Variants in SLC44A1 observed in about 807,000 individuals in gnomAD.
The protein encoded by SLC44A1 is solute carrier family 44 member 1, also known as choline transporter-like protein 1.
A neutral mutation model predicts 79.3 loss-of-function variants in SLC44A1; 26 were observed. The observed-to-expected ratio is 0.33, with a 90% CI of 0.24 to 0.46. The LOEUF (loss-of-function observed/expected upper bound fraction) is 0.46. Ranked by LOEUF, SLC44A1 falls within the 20% of genes least tolerant of loss-of-function variation. SLC44A1 has a pLI of 1.00. For synonymous variants in SLC44A1, 263 were observed against 286.2 expected (o/e 0.92, Z 0.82); for missense variants, 688 against 798.1 (o/e 0.86, Z 1.66).
At chr9:105,266,557 T>G (rs904825481) in intron 1 of SLC44A1, among the ~76,000 whole-genome samples, 1 of 152,240 alleles carries the variant, frequency 6.6e-6, no homozygotes, top group Non-Finnish European at 1.5e-5. Context: ...TGCAATTTAT[T>G]GACAAAGACT....
chr9:105,374,002 A>T (rs1206304678), intron 12 of SLC44A1, among the ~76,000 whole-genome samples: 3 of 152,316 alleles, frequency 2.0e-5, no homozygotes, highest in South Asian at 4.1e-4. Flanking sequence ...TCTCACTGGG[A>T]TTGAGACAGG....
intron 2 of SLC44A1, chr9:105,299,952 C>T (rs186281881): frequency 1.1e-5 from 11 of 985,028 alleles, no homozygotes; most frequent in Non-Finnish European, 1.3e-5. Flanking sequence ...TAAGGATGTG[C>T]ACATTCAATT....
At position 105,309,791 on chromosome 9, in the gene SLC44A1, A is replaced by G; in HGVS notation, c.194A>G (p.Tyr65Cys). The change falls in exon 3 of 16, where the codon TAT becomes TGT. Residue 65 changes from tyrosine (Y) to cysteine (C), a missense_variant. Transcript: ENST00000374720. ...AGACTAGTGTCAGGATACGACAGCT[A>G]TGGAAATATCTGTGGGCAGAAAAAT... is the stretch of plus-strand genomic sequence containing the variant. The part of the protein sequence containing the change: ...AARLVSGYDS[Y>C]GNICGQKNTK... 2 of 1,613,998 alleles carry G rather than the reference A, an allele frequency of 1.2e-6. No homozygotes were observed. The highest frequency in any genetic ancestry group is 1.7e-5 in the Admixed American group (1 of 60,012).
At chr9:105,424,284 G>T (rs1458116536) in intron 15 of SLC44A1, among the ~76,000 whole-genome samples, 3 of 152,148 alleles carry the variant, frequency 2.0e-5, no homozygotes, top group African/African-American at 4.8e-5. Flanking sequence ...TCCCTCCCAA[G>T]ACAAGGCCTG....
intron 15 of SLC44A1, among the ~76,000 whole-genome samples, chr9:105,414,834 A>C (rs1163828794): frequency 6.6e-6 from 1 of 152,196 alleles, no homozygotes; most frequent in African/African-American, 2.4e-5. Flanking sequence ...AAACCATAGG[A>C]ATAAGATGCA....
chr9:105,273,394 C>T (rs777861626), intron 1 of SLC44A1, among the ~76,000 whole-genome samples: 3 of 152,136 alleles, frequency 2.0e-5, no homozygotes, highest in Non-Finnish European at 4.4e-5. Context: ...GATGTTATTC[C>T]TTATTGTCAA....
In SLC44A1 at chr9:105,359,144, T is replaced by G. The variant is rs1827707914; in HGVS notation, c.760+711T>G. Among the ~76,000 whole-genome samples the G allele has an allele frequency of 3.3e-5, 5 of 152,320 alleles. No homozygotes were observed. The South Asian group carries it at 8.3e-4, about 25-fold the overall frequency. ...TCTTGTTTATCTTTGCCTTAAAAACTTTTATAATTATATTTACATTTACGT... is the reference window on the plus strand; with the variant it reads ...TCTTGTTTATCTTTGCCTTAAAAACGTTTATAATTATATTTACATTTACGT... On this transcript the variant is annotated intron_variant, in intron 7 of 15. Coordinates refer to ENST00000374720, the MANE Select transcript of SLC44A1 (RefSeq NM_080546.5).
Position 105,395,619 on chromosome 9 carries a change from T to G in SLC44A1, c.*6563T>G. The G allele has an allele frequency of 1.0e-6, 1 of 985,298 alleles. No homozygotes were observed. Among genetic ancestry groups the G allele is most frequent in the Non-Finnish European group, 1.2e-6 (1 of 829,810 alleles). The allele number at this position is 985,298 out of a possible 1,614,324, so 61.0% of individuals were successfully genotyped here. On this transcript the variant is annotated 3_prime_UTR_variant, in exon 16 of 16. Transcript: ENST00000374720. ...AGGGCGTAAGTCCAGTCTAAGTATC[T>G]AAATGTGATATGCCCTTTTGTCACA...
At chr9:105,310,135 G>A (rs368190858) in intron 3 of SLC44A1, among the ~76,000 whole-genome samples, 2 of 151,420 alleles carry the variant, frequency 1.3e-5, no homozygotes, top group Middle Eastern at 3.5e-3. Context: ...ATTTGAAAAG[G>A]TTATTCTTTT....
intron 1 of SLC44A1, among the ~76,000 whole-genome samples, chr9:105,249,579 T>C (rs2131191791): frequency 6.6e-6 from 1 of 151,600 alleles, no homozygotes; most frequent in Non-Finnish European, 1.5e-5. Flanking sequence ...GGCTGGAGTG[T>C]GGTGGCATAA....
At chr9:105,297,078 T>C (rs1343735237) in intron 1 of SLC44A1, among the ~76,000 whole-genome samples, 1 of 152,248 alleles carries the variant, frequency 6.6e-6, no homozygotes, top group Non-Finnish European at 1.5e-5. Context: ...TGGTTTTTAA[T>C]GCTAGTTAGA....
chr9:105,347,088 C>T (rs1455470004), intron 4 of SLC44A1, among the ~76,000 whole-genome samples: 1 of 151,954 alleles, frequency 6.6e-6, no homozygotes, highest in Non-Finnish European at 1.5e-5. Flanking sequence ...TAAATTTGCT[C>T]CCAATTTTGT....
intron 3 of SLC44A1, among the ~76,000 whole-genome samples, chr9:105,321,910 A>G (rs1466906206): frequency 6.6e-6 from 1 of 152,180 alleles, no homozygotes; most frequent in African/African-American, 2.4e-5. Context: ...TATAGATTTA[A>G]TAAAGTGCCA....
chr9:105,392,386 G>GCTCTCTCT lies in SLC44A1; in HGVS notation c.*3341_*3348dup, dbSNP rs200002341. Reference sequence around the variant, plus strand: ...AGAAATGTTTTTCTTTTGTAGAGATGCTCTCTCTCTCTCTCTCTTTTTTTT... The same window carrying GCTCTCTCT: ...AGAAATGTTTTTCTTTTGTAGAGATGCTCTCTCTCTCTCTCTCTCTCTCTCTTTTTTTT... On this transcript the variant is annotated 3_prime_UTR_variant, in exon 16 of 16. Coordinates refer to ENST00000374720, the MANE Select transcript of SLC44A1 (RefSeq NM_080546.5). 1 of 855,762 alleles carries GCTCTCTCT rather than the reference G, an allele frequency of 1.2e-6. No homozygotes were observed. Among genetic ancestry groups the GCTCTCTCT allele is most frequent in the Admixed American group, 8.5e-5 (1 of 11,816 alleles). The allele number at this position is 855,762 out of a possible 1,614,324, so 53.0% of individuals were successfully genotyped here. A position where few individuals can be genotyped will look rare whatever the true frequency, so the allele number is the denominator to read the frequency against.
chr9:105,274,834 T>C (rs1297817591), intron 1 of SLC44A1, among the ~76,000 whole-genome samples: 1 of 152,240 alleles, frequency 6.6e-6, no homozygotes, highest in Non-Finnish European at 1.5e-5. Context: ...TTAAGTGATT[T>C]GCCTGTGTCA....
chr9:105,340,825 A>C (rs1416207065), intron 4 of SLC44A1, among the ~76,000 whole-genome samples: 1 of 152,230 alleles, frequency 6.6e-6, no homozygotes, highest in Non-Finnish European at 1.5e-5. Flanking sequence ...TGGTTGTAAG[A>C]AATCTATTTA....
Position 105,393,266 on chromosome 9 carries a change from C to T in SLC44A1, c.*4210C>T. ...CATGTTAGCCCTTTTGAAAAGTAGGCACTATTCATACACAGTAGCTTCTTG... is the reference window on the plus strand; with the variant it reads ...CATGTTAGCCCTTTTGAAAAGTAGGTACTATTCATACACAGTAGCTTCTTG... On this transcript the variant is annotated 3_prime_UTR_variant, in exon 16 of 16. Transcript: ENST00000374720. 1 of 985,302 alleles carries T rather than the reference C, an allele frequency of 1.0e-6. No individual in the cohort carries two copies. 61.0% of individuals were successfully genotyped at this position (985,302 alleles called of 1,614,324 possible).
At chr9:105,296,019 A>G (rs1830713366) in intron 1 of SLC44A1, among the ~76,000 whole-genome samples, 5 of 152,242 alleles carry the variant, frequency 3.3e-5, no homozygotes, top group Admixed American at 3.3e-4. Context: ...ATAAGGGAAA[A>G]AGAGTTTAAT....
intron 10 of SLC44A1, among the ~76,000 whole-genome samples, 166 bp from the exon 11 acceptor site, chr9:105,365,317 G>C (rs137934794): frequency 1.3e-5 from 2 of 152,208 alleles, no homozygotes; most frequent in East Asian, 3.9e-4. Flanking sequence ...TAGCATGTCT[G>C]TAGCATTTGT....
Sources: gnomAD v4.1 joint callset for allele counts (sites outside exome capture counted in the v4.1 genomes callset) on GRCh38, gnomAD v4.1.1 for gene constraint, MANE v1.5 for transcripts, NCBI Gene and HGNC (gene_info 2026-07-23, HGNC 2026-07-21) for gene names.